The following CDH20 variants were observed in gnomAD, a reference collection of about 807,000 sequenced individuals.
The protein encoded by CDH20 is cadherin-20.
In CDH20, 29 loss-of-function variants were observed where a neutral mutation model predicts 74.2. The ratio of observed to expected loss-of-function variants is 0.39; its 90% CI spans 0.29 to 0.53. CDH20 has a LOEUF of 0.53. Ranked by LOEUF, CDH20 falls within the 20% of genes least tolerant of loss-of-function variation. CDH20 has a pLI of 0.69. For synonymous variants in CDH20, 469 were observed against 405.4 expected, an observed-to-expected ratio of 1.16 and a Z score of -1.88; for missense variants, 988 against 1,048.3, an observed-to-expected ratio of 0.94 and a Z score of 0.79.
At chr18:61,394,099 A>G (rs1229042933) in intron 1 of CDH20, among the ~76,000 whole-genome samples, 1 of 152,022 alleles carries the variant, frequency 6.6e-6, no homozygotes, top group East Asian at 1.9e-4. Context: ...ACCTCCCCCA[A>G]GTTCAGGCCC....
intron 1 of CDH20, among the ~76,000 whole-genome samples, chr18:61,485,271 A>G (rs556216026): frequency 3.3e-5 from 5 of 152,360 alleles, no homozygotes; most frequent in Admixed American, 3.3e-4. Flanking sequence ...AGGAAAGCCT[A>G]CTATGAGAAC....
chr18:61,534,734 G>T (rs2144384042), intron 7 of CDH20, among the ~76,000 whole-genome samples: 1 of 152,276 alleles, frequency 6.6e-6, no homozygotes, highest in Non-Finnish European at 1.5e-5. Context: ...ATTGCCAGAG[G>T]CTGGTGGGTA....
intron 1 of CDH20, among the ~76,000 whole-genome samples, chr18:61,395,436 C>A (rs1253071252): frequency 6.6e-6 from 1 of 152,036 alleles, no homozygotes. Context: ...CCTTAATGAC[C>A]GTCTTCTTGG....
At chr18:61,337,097 G>A (rs554208707) in intron 1 of CDH20, among the ~76,000 whole-genome samples, 1 of 152,248 alleles carries the variant, frequency 6.6e-6, no homozygotes, top group South Asian at 2.1e-4. Context: ...AGTAGTGCAG[G>A]GTGGCGAAAA....
At chr18:61,505,495 C>T (rs1394513699) in intron 5 of CDH20, among the ~76,000 whole-genome samples, 1 of 151,942 alleles carries the variant, frequency 6.6e-6, no homozygotes, top group Admixed American at 6.6e-5. Flanking sequence ...ACCACCATGC[C>T]CAGCTAATTT....
At chr18:61,496,635 C>T (rs1221680319) in intron 2 of CDH20, among the ~76,000 whole-genome samples, 2 of 152,156 alleles carry the variant, frequency 1.3e-5, no homozygotes, top group South Asian at 2.1e-4. Context: ...GCGCTTAAAG[C>T]GCGCTCACCT....
At chr18:61,518,903 T>C (rs1419167226) in intron 6 of CDH20, among the ~76,000 whole-genome samples, 3 of 151,148 alleles carry the variant, frequency 2.0e-5, no homozygotes, top group Non-Finnish European at 4.4e-5. Context: ...CTAACTAGAA[T>C]AACCAGTTTA....
chr18:61,354,557 C>T (rs1255766196), intron 1 of CDH20, among the ~76,000 whole-genome samples: 1 of 151,764 alleles, frequency 6.6e-6, no homozygotes, highest in Non-Finnish European at 1.5e-5. Flanking sequence ...TGTAGTGAGC[C>T]GAAATAGCAC....
rs1452869854 is a variant in CDH20, at chr18:61,521,335, T to C, written c.1018-6632T>C. 2.0e-5 allele frequency among the ~76,000 whole-genome samples: 3 copies of C among 151,300 alleles called. 1 individual carries two copies. The highest frequency in any genetic ancestry group is 7.4e-5 in the African/African-American group (3 of 40,690). ...AACTAGAAAATCTAGAAGAAATGGA[T>C]ACATTCCTGGACACATACACCCTCC... On this transcript the variant is annotated intron_variant, in intron 6 of 11. Coordinates refer to ENST00000262717, the MANE Select transcript of CDH20 (RefSeq NM_031891.4).
At chr18:61,439,171 C>T (rs904651198) in intron 1 of CDH20, among the ~76,000 whole-genome samples, 3 of 152,016 alleles carry the variant, frequency 2.0e-5, no homozygotes, top group South Asian at 2.1e-4. Context: ...ACCTGGATGA[C>T]GAGATCAATT....
chr18:61,392,047 C>T (rs2144205458), intron 1 of CDH20, among the ~76,000 whole-genome samples: 1 of 152,180 alleles, frequency 6.6e-6, no homozygotes, highest in African/African-American at 2.4e-5. Flanking sequence ...TTGCCCCTCA[C>T]TTAAAAATTG....
intron 1 of CDH20, among the ~76,000 whole-genome samples, chr18:61,352,252 A>G (rs1454733643): frequency 6.6e-6 from 1 of 152,216 alleles, no homozygotes; most frequent in Non-Finnish European, 1.5e-5. Context: ...TCATTGTAAA[A>G]GATGCTAATT....
intron 6 of CDH20, among the ~76,000 whole-genome samples, chr18:61,508,920 A>G (rs1052608708): frequency 1.8e-4 from 27 of 152,336 alleles, no homozygotes; most frequent in Middle Eastern, 3.4e-3. Context: ...TACAGGCGTG[A>G]GCCACTGCAC....
chr18:61,530,207 A>C (rs2144375782), intron 7 of CDH20, among the ~76,000 whole-genome samples: 1 of 152,292 alleles, frequency 6.6e-6, no homozygotes, highest in South Asian at 2.1e-4. Context: ...TGTACTATCC[A>C]ATAGCAACAA....
At chr18:61,496,778 A>G (rs1175506015) in intron 2 of CDH20, among the ~76,000 whole-genome samples, 1 of 152,202 alleles carries the variant, frequency 6.6e-6, no homozygotes, top group Admixed American at 6.5e-5. Flanking sequence ...CCTTCCCTAC[A>G]TCATCAGCAG....
intron 1 of CDH20, among the ~76,000 whole-genome samples, chr18:61,339,441 A>G (rs1909864928): frequency 6.6e-6 from 1 of 151,964 alleles, no homozygotes; most frequent in African/African-American, 2.4e-5. Flanking sequence ...CATCACCCAA[A>G]TAATGACCAT....
chr18:61,537,825 A>T (rs895978290), intron 8 of CDH20, among the ~76,000 whole-genome samples: 4 of 152,224 alleles, frequency 2.6e-5, no homozygotes. Context: ...TAGGGGGGAA[A>T]GAGTAGAGCA....
intron 1 of CDH20, among the ~76,000 whole-genome samples, chr18:61,356,803 T>C (rs1910511059): frequency 6.6e-6 from 1 of 152,186 alleles, no homozygotes; most frequent in Non-Finnish European, 1.5e-5. Flanking sequence ...ATGATGAGGA[T>C]AATCTAGATC....
chr18:61,536,796 A>G (rs1912832832), intron 8 of CDH20, among the ~76,000 whole-genome samples, 167 bp downstream of exon 8: 1 of 152,184 alleles, frequency 6.6e-6, no homozygotes, highest in Non-Finnish European at 1.5e-5. Flanking sequence ...TACTTTTTTG[A>G]GGCTCGCTTG....
Sources: allele counts gnomAD v4.1 joint callset (sites outside exome capture counted in the v4.1 genomes callset), GRCh38; gene constraint gnomAD v4.1.1; transcripts MANE v1.5; gene names NCBI Gene and HGNC (gene_info 2026-07-23, HGNC 2026-07-21).